LRRC7: variants seen among roughly 807,000 people sequenced by gnomAD.
The protein encoded by LRRC7 is leucine-rich repeat-containing protein 7.
In LRRC7, 23 loss-of-function variants were observed where a neutral mutation model predicts 175.7. The ratio of observed to expected loss-of-function variants is 0.13; its 90% CI spans 0.09 to 0.19. The LOEUF is 0.19. LRRC7 is among the 10% of genes least tolerant of loss of function. The pLI, the probability that LRRC7 is intolerant of heterozygous loss-of-function variation, is 1.00. For synonymous variants in LRRC7, 685 were observed against 680.9 expected (o/e 1.01, Z -0.09); for missense variants, 1,354 against 1,904.7 (o/e 0.71, Z 5.38).
At position 70,038,094 on chromosome 1, in the gene LRRC7, C is replaced by T. The variant is rs1181450611; in HGVS notation, c.2289-19C>T. On this transcript the variant is annotated intron_variant, in intron 20 of 26. Transcript: ENST00000651989. The stretch of plus-strand genomic sequence containing the variant: ...AACTCTTCGTCCTTTTCAATTTCTT[C>T]TTCCCATTGTGTTCACAGGATTGCA... 6.4e-7 allele frequency: 1 copy of T among 1,566,656 alleles called. No homozygotes were observed. The highest frequency in any genetic ancestry group is 1.4e-5 in the African/African-American group (1 of 73,224).
intron 8 of LRRC7, among the ~76,000 whole-genome samples, chr1:69,943,940 A>G (rs2101804914): frequency 6.8e-6 from 1 of 146,202 alleles, no homozygotes; most frequent in Admixed American, 6.7e-5. Flanking sequence ...CTTATTTTTT[A>G]TCATGGTAAA....
chr1:69,909,573 T>G (rs900998700), intron 7 of LRRC7, among the ~76,000 whole-genome samples: 9 of 152,214 alleles, frequency 5.9e-5, no homozygotes, highest in African/African-American at 2.2e-4. Context: ...GAAAATTCTT[T>G]TCTTTAAACA....
intron 2 of LRRC7, among the ~76,000 whole-genome samples, chr1:69,740,823 C>G (rs1250032429): frequency 6.6e-6 from 1 of 151,944 alleles, no homozygotes; most frequent in East Asian, 1.9e-4. Context: ...TTTAACAGCC[C>G]TGTCTCCAAA....
Position 69,578,976 on chromosome 1 carries a change from A to G in LRRC7, c.2+10335A>G, listed in dbSNP as rs72936507. On this transcript the variant is annotated intron_variant, in intron 1 of 26. Transcript: ENST00000651989. ...AAATAAAATAAAAAGAAATGCATGG[A>G]AAAAAAAGTTGTATTTTAGTCCTGG... Among the ~76,000 whole-genome samples, 886 of 151,928 alleles carry G rather than the reference A, an allele frequency of 5.8e-3. 5 individuals are homozygous for G. Among genetic ancestry groups the G allele is most frequent in the African/African-American group, 0.02 (829 of 41,470 alleles).
chr1:69,878,758 G>A (rs1686274736), intron 7 of LRRC7, among the ~76,000 whole-genome samples: 1 of 151,046 alleles, frequency 6.6e-6, no homozygotes, highest in South Asian at 2.1e-4. Context: ...TGATTTTAGG[G>A]CAGTGAAGAC....
Position 70,143,734 on chromosome 1 carries a change from T to G in LRRC7, c.*21847T>G, listed in dbSNP as rs1009863119. On this transcript the variant is annotated 3_prime_UTR_variant, in exon 27 of 27. Coordinates refer to ENST00000651989, the MANE Select transcript of LRRC7 (RefSeq NM_001370785.2). ...ATTGCTTACTTTAATAATACAATTT[T>G]ACCATTTTATAAAAAAAATCAAATC... 1.3e-5 allele frequency: 2 copies of G among 152,078 alleles called. No homozygotes were observed. Among genetic ancestry groups the G allele is most frequent in the Non-Finnish European group, 2.9e-5 (2 of 68,016 alleles). 9.4% of individuals were successfully genotyped at this position (152,078 alleles called of 1,614,324 possible). A position where few individuals can be genotyped will look rare whatever the true frequency, so the allele number is the denominator to read the frequency against.
chr1:69,719,716 A>G (rs1003670902), intron 2 of LRRC7, among the ~76,000 whole-genome samples: 1 of 151,636 alleles, frequency 6.6e-6, no homozygotes, highest in East Asian at 1.9e-4. Flanking sequence ...ATTTCAGGTG[A>G]TATAAATAAT....
chr1:69,921,540 G>T (rs1315819984), intron 7 of LRRC7, among the ~76,000 whole-genome samples: 1 of 151,998 alleles, frequency 6.6e-6, no homozygotes, highest in African/African-American at 2.4e-5. Context: ...CATCCAATCA[G>T]TCATCATCAT....
intron 1 of LRRC7, among the ~76,000 whole-genome samples, chr1:69,575,577 G>C (rs1645913519): frequency 6.6e-6 from 1 of 151,974 alleles, no homozygotes; most frequent in Non-Finnish European, 1.5e-5. Context: ...AAGAAATGTG[G>C]AATTAATTTT....
At chr1:69,648,974 A>G (rs1349600271) in intron 1 of LRRC7, among the ~76,000 whole-genome samples, 2 of 152,234 alleles carry the variant, frequency 1.3e-5, no homozygotes, top group East Asian at 3.8e-4. Flanking sequence ...AATGTTGAGA[A>G]AATATTCTTT....
At chr1:69,580,984 C>T (rs868659316) in intron 1 of LRRC7, among the ~76,000 whole-genome samples, 14 of 152,012 alleles carry the variant, frequency 9.2e-5, no homozygotes, top group African/African-American at 2.9e-4. Context: ...ATGGCAAATG[C>T]AAAAACTTTA....
chr1:69,660,124 C>T (rs1315757491), intron 1 of LRRC7, among the ~76,000 whole-genome samples: 3 of 151,614 alleles, frequency 2.0e-5, no homozygotes, highest in Admixed American at 6.6e-5. Context: ...AATGATATTC[C>T]AGGCAATTAA....
intron 2 of LRRC7, among the ~76,000 whole-genome samples, chr1:69,693,022 T>G (rs779648582): frequency 2.6e-4 from 40 of 152,222 alleles, no homozygotes; most frequent in Non-Finnish European, 5.7e-4. Flanking sequence ...CTCCTGGTTT[T>G]CAGGCTCGCA....
chr1:70,105,003 T>C (rs757147405), intron 25 of LRRC7, among the ~76,000 whole-genome samples: 1 of 152,200 alleles, frequency 6.6e-6, no homozygotes, highest in Non-Finnish European at 1.5e-5. Context: ...AGAGATGTAG[T>C]GGCTTATTTT....
intron 1 of LRRC7, among the ~76,000 whole-genome samples, chr1:69,643,441 G>A: frequency 6.6e-6 from 1 of 151,968 alleles, no homozygotes; most frequent in East Asian, 1.9e-4. Flanking sequence ...ATCACATGAG[G>A]GCCCAACAAA....
intron 2 of LRRC7, among the ~76,000 whole-genome samples, chr1:69,724,328 C>G (rs762669377): frequency 6.6e-6 from 1 of 152,036 alleles, no homozygotes. Flanking sequence ...GGCGACAGAA[C>G]GAGACTCCAT....
chr1:69,972,597 T>C (rs1652354293), intron 8 of LRRC7, among the ~76,000 whole-genome samples: 1 of 152,058 alleles, frequency 6.6e-6, no homozygotes, highest in Admixed American at 6.6e-5. Flanking sequence ...AGAATGGCCA[T>C]AATCAAAAAA....
intron 14 of LRRC7, among the ~76,000 whole-genome samples, chr1:70,018,076 T>C (rs761972300): frequency 6.6e-6 from 1 of 152,078 alleles, no homozygotes; most frequent in African/African-American, 2.4e-5. Flanking sequence ...ATTTTTAGTA[T>C]ATTAGATAAT....
intron 7 of LRRC7, among the ~76,000 whole-genome samples, chr1:69,920,954 C>T (rs1646871974): frequency 6.6e-6 from 1 of 152,124 alleles, no homozygotes; most frequent in Admixed American, 6.6e-5. Context: ...TCCTCATGGG[C>T]CCCAACTATT....
Sources: allele counts gnomAD v4.1 joint callset (sites outside exome capture counted in the v4.1 genomes callset), GRCh38; gene constraint gnomAD v4.1.1; transcripts MANE v1.5; gene names NCBI Gene and HGNC (gene_info 2026-07-23, HGNC 2026-07-21).